Variants in DENND1A observed in about 807,000 individuals in gnomAD.
DENND1A encodes DENN domain containing 1A.
In DENND1A, 51 loss-of-function variants were observed where a neutral mutation model predicts 113.7. The ratio of observed to expected loss-of-function variants is 0.45; its 90% CI spans 0.36 to 0.57. The LOEUF (loss-of-function observed/expected upper bound fraction) is 0.57, where lower values mean the gene tolerates loss of function less well. Ranked by LOEUF, DENND1A falls within the 20% of genes least tolerant of loss-of-function variation. DENND1A has a pLI of 0.00. For missense variants in DENND1A, 1,258 were observed against 1,395.9 expected (o/e 0.90, Z 1.57); for synonymous variants, 565 against 570.8 (o/e 0.99, Z 0.14).
At chr9:123,843,033 A>G (rs914094650) in intron 2 of DENND1A, 22 of 486,826 alleles carry the variant, frequency 4.5e-5, no homozygotes, top group Middle Eastern at 7.5e-4. Flanking sequence ...TCAAGAAAAT[A>G]CCATGAAAGA....
At chr9:123,627,077 T>C (rs77571282) in intron 10 of DENND1A, among the ~76,000 whole-genome samples, 8,656 of 152,190 alleles carry the variant, frequency 0.057, 279 homozygotes, top group African/African-American at 0.07. Flanking sequence ...CCTGAGCCTG[T>C]GCATGGTGGG....
At chr9:123,572,475 T>C (rs1452904648) in intron 12 of DENND1A, among the ~76,000 whole-genome samples, 1 of 152,196 alleles carries the variant, frequency 6.6e-6, no homozygotes, top group Admixed American at 6.5e-5. Context: ...ATGTTTAAAA[T>C]ATACATCTAT....
intron 19 of DENND1A, among the ~76,000 whole-genome samples, chr9:123,420,419 G>A (rs1410873785): frequency 1.3e-5 from 2 of 151,512 alleles, no homozygotes; most frequent in South Asian, 2.1e-4. Flanking sequence ...CGCCACCTGC[G>A]AGGGGGATGA....
chr9:123,702,388 T>C (rs1376495267), intron 5 of DENND1A, among the ~76,000 whole-genome samples: 1 of 152,132 alleles, frequency 6.6e-6, no homozygotes, highest in East Asian at 1.9e-4. Context: ...GGAAAGCTTA[T>C]TTAAATAAAT....
intron 2 of DENND1A, among the ~76,000 whole-genome samples, chr9:123,811,477 C>T (rs907063427): frequency 2.0e-5 from 3 of 152,166 alleles, no homozygotes; most frequent in African/African-American, 4.8e-5. Context: ...AAAGCATCCA[C>T]GGCTGGGCAT....
At chr9:123,385,712 C>G (rs1368189009) in intron 22 of DENND1A, among the ~76,000 whole-genome samples, 3 of 152,202 alleles carry the variant, frequency 2.0e-5, no homozygotes, top group Non-Finnish European at 4.4e-5. Flanking sequence ...CTTACACCCC[C>G]ACCTTATGGA....
At chr9:123,632,078 G>T (rs907070184) in intron 9 of DENND1A, among the ~76,000 whole-genome samples, 2 of 152,238 alleles carry the variant, frequency 1.3e-5, no homozygotes, top group Admixed American at 1.3e-4. Context: ...ACGTGCCAAG[G>T]CCCAGTTAAA....
intron 10 of DENND1A, among the ~76,000 whole-genome samples, chr9:123,615,053 A>G (rs893625177): frequency 2.0e-5 from 3 of 152,214 alleles, no homozygotes; most frequent in African/African-American, 7.2e-5. Context: ...CTTGCTGGAG[A>G]ATGCGAATGA....
intron 13 of DENND1A, among the ~76,000 whole-genome samples, chr9:123,489,755 G>A (rs531565192): frequency 6.6e-4 from 101 of 152,324 alleles, no homozygotes; most frequent in Admixed American, 1.7e-3. Flanking sequence ...AGCACAAGCT[G>A]GTGTCAGTGA....
rs1363454749 is a variant in DENND1A at position 123,930,110 on chromosome 9, T to G, written c.-205A>C. 1.1e-5 allele frequency: 2 copies of G among 188,648 alleles called. No homozygotes were observed. Among genetic ancestry groups the G allele is most frequent in the Non-Finnish European group, 2.1e-5 (2 of 93,452 alleles). 11.7% of individuals were successfully genotyped at this position (188,648 alleles called of 1,614,324 possible). ...ACTCGCTCCAGCCCGGCGAACGCCA[T>G]GGTCGCCGGCGCGCGTGCCCGGCGC... is the stretch of plus-strand genomic sequence containing the variant. On this transcript the variant is annotated 5_prime_UTR_variant, in exon 1 of 24. An upstream start codon of the reference 5' UTR is lost. Transcript: ENST00000394215.
intron 19 of DENND1A, among the ~76,000 whole-genome samples, chr9:123,425,729 C>T (rs1054357848): frequency 6.6e-6 from 1 of 152,220 alleles, no homozygotes; most frequent in African/African-American, 2.4e-5. Flanking sequence ...GCATCCCCAG[C>T]AAGCCAGCAT....
chr9:123,785,240 G>A (rs749105652), intron 3 of DENND1A, among the ~76,000 whole-genome samples: 2 of 152,088 alleles, frequency 1.3e-5, no homozygotes, highest in East Asian at 1.9e-4. Flanking sequence ...CCAGCTACTC[G>A]GGAGGCTGAG....
chr9:123,632,260 A>T (rs6478626), intron 9 of DENND1A, among the ~76,000 whole-genome samples: 66,047 of 151,378 alleles, frequency 0.44, 15,232 homozygotes, highest in African/African-American at 0.58. Context: ...ATGAACTGGA[A>T]CTGATTCAGC....
At chr9:123,490,400 A>T (rs1466186831) in intron 13 of DENND1A, among the ~76,000 whole-genome samples, 1 of 152,174 alleles carries the variant, frequency 6.6e-6, no homozygotes, top group African/African-American at 2.4e-5. Context: ...AGCCTGGCCA[A>T]CATGGTAAAA....
intron 13 of DENND1A, among the ~76,000 whole-genome samples, chr9:123,537,250 AAG>A (rs2055854899): frequency 6.6e-6 from 1 of 152,120 alleles, no homozygotes. Context: ...ATAAGAAAAA[AAG>A]AACTAGATTA....
chr9:123,442,352 G>A (rs1317159177), intron 18 of DENND1A, among the ~76,000 whole-genome samples: 1 of 152,158 alleles, frequency 6.6e-6, no homozygotes, highest in African/African-American at 2.4e-5. Flanking sequence ...GAAAGAGGCT[G>A]TCGATGGCCA....
intron 13 of DENND1A, among the ~76,000 whole-genome samples, chr9:123,517,282 A>C (rs149359458): frequency 0.013 from 1,846 of 145,976 alleles, 35 homozygotes; most frequent in African/African-American, 0.041. Context: ...AACCCACAAA[A>C]CCCCCCCCAA....
At chr9:123,677,088 G>T (rs1255824033) in intron 5 of DENND1A, among the ~76,000 whole-genome samples, 1 of 152,134 alleles carries the variant, frequency 6.6e-6, no homozygotes, top group Non-Finnish European at 1.5e-5. Context: ...TCTCTGAGAA[G>T]TCCCCTGGCC....
intron 2 of DENND1A, among the ~76,000 whole-genome samples, chr9:123,833,867 T>C (rs563234587): frequency 5.1e-4 from 78 of 152,266 alleles, no homozygotes; most frequent in African/African-American, 1.7e-3. Flanking sequence ...GAGACCATCC[T>C]GGCCAACACG....
Sources: allele counts gnomAD v4.1 joint callset (sites outside exome capture counted in the v4.1 genomes callset), GRCh38; gene constraint gnomAD v4.1.1; transcripts MANE v1.5; gene names NCBI Gene and HGNC (gene_info 2026-07-23, HGNC 2026-07-21).